NIPAL1: variants seen among roughly 807,000 people sequenced by gnomAD.
The protein encoded by NIPAL1 is NIPA like domain containing 1, also known as magnesium transporter NIPA3.
A neutral mutation model predicts 37.7 loss-of-function variants in NIPAL1; 35 were observed. The ratio of observed to expected loss-of-function variants is 0.93; its 90% CI spans 0.71 to 1.23. The LOEUF is 1.23. Among genes scored for constraint, NIPAL1 ranks in the 50% most tolerant of loss-of-function variants. NIPAL1 has a pLI of 0.00. For missense variants in NIPAL1, 412 were observed against 473.9 expected (o/e 0.87, Z 1.21); for synonymous variants, 162 against 183.0 (o/e 0.89, Z 0.93).
Position 48,025,069 on chromosome 4 carries a change from A to G in NIPAL1, c.48A>G (p.Gly16=). The G allele has an allele frequency of 6.2e-7, 1 of 1,612,264 alleles. No homozygotes were observed. Among genetic ancestry groups the G allele is most frequent in the Non-Finnish European group, 8.5e-7 (1 of 1,179,112 alleles). ...RLPPGEPCRE[G]YVLSLVCPNS... ...ATTCTCTTCTTTCCTTTTTTCCAGG[A>G]TATGTGCTGTCTCTGGTCTGTCCAA... is the stretch of plus-strand genomic sequence containing the variant. The change falls in exon 2 of 6, where the codon GGA becomes GGG. Residue 16 remains glycine, a splice_region_variant and synonymous_variant. Transcript: ENST00000295461.
intron 1 of NIPAL1, among the ~76,000 whole-genome samples, chr4:48,017,689 G>A (rs910989002): frequency 3.9e-5 from 6 of 152,166 alleles, no homozygotes; most frequent in African/African-American, 1.4e-4. Context: ...AGTAGGGAAG[G>A]GGGTAGGGGG....
chr4:48,032,035 G>A (rs758953375), intron 3 of NIPAL1, among the ~76,000 whole-genome samples: 1 of 152,100 alleles, frequency 6.6e-6, no homozygotes, highest in East Asian at 1.9e-4. Flanking sequence ...CACCATGCCC[G>A]GCCTTGCCGT....
intron 1 of NIPAL1, among the ~76,000 whole-genome samples, chr4:48,017,415 C>A (rs1715451168): frequency 6.6e-6 from 1 of 152,204 alleles, no homozygotes; most frequent in African/African-American, 2.4e-5. Flanking sequence ...AAGTCTGGGC[C>A]GCCCACGTCT....
At chr4:48,017,346 C>G (rs1312638045) in intron 1 of NIPAL1, among the ~76,000 whole-genome samples, 1 of 152,156 alleles carries the variant, frequency 6.6e-6, no homozygotes, top group Non-Finnish European at 1.5e-5. Context: ...GCGCTGGCTC[C>G]CGGGGATCGA....
chr4:48,022,544 G>A (rs1715595484), intron 1 of NIPAL1, among the ~76,000 whole-genome samples: 1 of 152,184 alleles, frequency 6.6e-6, no homozygotes, highest in African/African-American at 2.4e-5. Context: ...ACTGGAATGA[G>A]ATCTACCCAC....
At chr4:48,021,668 C>A (rs1050255313) in intron 1 of NIPAL1, among the ~76,000 whole-genome samples, 1 of 152,068 alleles carries the variant, frequency 6.6e-6, no homozygotes, top group African/African-American at 2.4e-5. Context: ...ATCCTGCAGC[C>A]TCATGCATCA....
rs949986093 is a variant in NIPAL1 at position 48,038,331 on chromosome 4, G to A, written c.*2159G>A. On this transcript the variant is annotated 3_prime_UTR_variant, in exon 6 of 6. Coordinates refer to ENST00000295461, the MANE Select transcript of NIPAL1 (RefSeq NM_207330.3). ...CTTTACTTGTATATCAGATATATAA[G>A]CTATGAACACAAGTTTGTAGTAAAA... 11 of 152,154 alleles carry A rather than the reference G, an allele frequency of 7.2e-5. No individual in the cohort carries two copies. The highest frequency in any genetic ancestry group is 1.9e-4 in the African/African-American group (8 of 41,416). The allele number at this position is 152,154 out of a possible 1,614,324, so 9.4% of individuals were successfully genotyped here. A position where few individuals can be genotyped will look rare whatever the true frequency, so the allele number is the denominator to read the frequency against.
intron 1 of NIPAL1, among the ~76,000 whole-genome samples, chr4:48,024,314 T>C (rs1379033076): frequency 6.6e-6 from 1 of 152,090 alleles, no homozygotes; most frequent in East Asian, 1.9e-4. Flanking sequence ...AGGGTCTTGC[T>C]GTTACCTAGG....
In NIPAL1 at chr4:48,035,407, A is replaced by T. The variant is rs972367428; in HGVS notation, c.623-155A>T. On this transcript the variant is annotated intron_variant, in intron 5 of 5. Transcript: ENST00000295461. ...ATATGTTTGTGAAAATCCTTTGTAAAATATTGAGAACTATGCAATAGAATG... is the reference window on the plus strand; with the variant it reads ...ATATGTTTGTGAAAATCCTTTGTAATATATTGAGAACTATGCAATAGAATG... 3.3e-5 allele frequency among the ~76,000 whole-genome samples: 5 copies of T among 152,342 alleles called. No individual in the cohort carries two copies. The Middle Eastern group carries it at 0.01, about 311-fold the overall frequency.
In NIPAL1 at chr4:48,025,095, A is replaced by T; in HGVS notation, c.74A>T (p.Asn25Ile). The part of the protein sequence containing the change: ...EGYVLSLVCP[N>I]SSQAWCEITN... ...TATGTGCTGTCTCTGGTCTGTCCAAACTCCTCCCAGGCTTGGTGTGAGATC... is the reference window on the plus strand; with the variant it reads ...TATGTGCTGTCTCTGGTCTGTCCAATCTCCTCCCAGGCTTGGTGTGAGATC... Residue 25 changes from asparagine (N) to isoleucine (I), a missense_variant, in exon 2 of 6, where the codon AAC becomes ATC. Asn to Ile is a moderately radical substitution (Grantham distance 149). Coordinates refer to ENST00000295461, the MANE Select transcript of NIPAL1 (RefSeq NM_207330.3). 6.2e-7 allele frequency: 1 copy of T among 1,613,336 alleles called. No individual in the cohort carries two copies. The highest frequency in any genetic ancestry group is 8.5e-7 in the Non-Finnish European group (1 of 1,179,716).
At chr4:48,018,020 A>C (rs138561638) in intron 1 of NIPAL1, among the ~76,000 whole-genome samples, 2 of 152,304 alleles carry the variant, frequency 1.3e-5, no homozygotes, top group East Asian at 3.9e-4. Flanking sequence ...CACCAAAAAA[A>C]GGAGAAAAAT....
Position 48,016,817 on chromosome 4 carries a change from T to G in NIPAL1, c.-23T>G, listed in dbSNP as rs1238362746. The G allele has an allele frequency of 2.3e-5, 36 of 1,561,762 alleles. No homozygotes were observed. The highest frequency in any genetic ancestry group is 3.0e-5 in the Non-Finnish European group (35 of 1,158,986). ...CCAGGTGAGGAGCAAGCGCCCGCGT[T>G]CCGGAAGCCCGCTCCCGGGGCCATG... is the stretch of plus-strand genomic sequence containing the variant. On this transcript the variant is annotated 5_prime_UTR_variant, in exon 1 of 6. Coordinates refer to ENST00000295461, the MANE Select transcript of NIPAL1 (RefSeq NM_207330.3).
At chr4:48,035,442 A>G in intron 5 of NIPAL1, 120 bp from the exon 6 acceptor site, 2 of 917,434 alleles carry the variant, frequency 2.2e-6, no homozygotes, top group Non-Finnish European at 3.4e-6. Context: ...GTTGTTTTTA[A>G]TTTGATCTCA....
chr4:48,026,010 T>C (rs913769339), intron 2 of NIPAL1, among the ~76,000 whole-genome samples: 1 of 152,116 alleles, frequency 6.6e-6, no homozygotes, highest in African/African-American at 2.4e-5. Context: ...TCCTTGACCA[T>C]CCTCTCACAG....
At chr4:48,026,272 G>T in intron 2 of NIPAL1, among the ~76,000 whole-genome samples, 1 of 152,154 alleles carries the variant, frequency 6.6e-6, no homozygotes, top group Admixed American at 6.6e-5. Flanking sequence ...AAGATGCTAA[G>T]TAGGTCTACC....
At chr4:48,024,435 C>T (rs778198377) in intron 1 of NIPAL1, among the ~76,000 whole-genome samples, 12 of 152,014 alleles carry the variant, frequency 7.9e-5, no homozygotes, top group African/African-American at 1.9e-4. Flanking sequence ...TGCACCACCA[C>T]GCCCGGTTAA....
chr4:48,017,330 C>A (rs568236461), intron 1 of NIPAL1, among the ~76,000 whole-genome samples: 23 of 152,224 alleles, frequency 1.5e-4, no homozygotes, highest in African/African-American at 5.5e-4. Context: ...TTCTGCGCTG[C>A]GCCCTGCGCT....
Position 48,030,181 on chromosome 4 carries a change from G to C in NIPAL1, c.370+5G>C. 1 of 1,537,900 alleles carries C rather than the reference G, an allele frequency of 6.5e-7. No individual in the cohort carries two copies. Among genetic ancestry groups the C allele is most frequent in the Non-Finnish European group, 9.0e-7 (1 of 1,111,018 alleles). ...GGTGGGTAGGATTGCTGTCAAGTAAGTTTTTAATACTGAGAATACTGTTTA... is the reference window on the plus strand; with the variant it reads ...GGTGGGTAGGATTGCTGTCAAGTAACTTTTTAATACTGAGAATACTGTTTA... On this transcript the variant is annotated splice_donor_5th_base_variant and intron_variant, in intron 3 of 5. Coordinates refer to ENST00000295461, the MANE Select transcript of NIPAL1 (RefSeq NM_207330.3).
intron 1 of NIPAL1, among the ~76,000 whole-genome samples, chr4:48,022,596 G>A (rs1052770319): frequency 3.3e-5 from 5 of 152,200 alleles, no homozygotes; most frequent in African/African-American, 1.2e-4. Context: ...TATGTTAACT[G>A]CATAGTAAAT....
Sources: gnomAD v4.1 joint callset for allele counts (sites outside exome capture counted in the v4.1 genomes callset) on GRCh38, gnomAD v4.1.1 for gene constraint, MANE v1.5 for transcripts, NCBI Gene and HGNC (gene_info 2026-07-23, HGNC 2026-07-21) for gene names.